RNGTT: variants seen among roughly 807,000 people sequenced by gnomAD.
RNGTT encodes RNA guanylyltransferase and 5'-phosphatase.
A neutral mutation model predicts 79.3 loss-of-function variants in RNGTT; 33 were observed. The ratio of observed to expected loss-of-function variants is 0.42; its 90% CI spans 0.32 to 0.56. The LOEUF is 0.56. Among genes scored for constraint, RNGTT ranks in the 20% least tolerant of loss-of-function variants. The probability of loss-of-function intolerance (pLI) is 0.17; values close to 1 mark genes in which losing one functional copy is unlikely to be tolerated. For synonymous variants in RNGTT, 222 were observed against 235.9 expected (o/e 0.94, Z 0.54); for missense variants, 497 against 739.1 (o/e 0.67, Z 3.80).
intron 2 of RNGTT, 34 bp downstream of exon 2, chr6:88,941,037 T>A (rs778194500): frequency 2.5e-5 from 32 of 1,301,596 alleles, no homozygotes; most frequent in Non-Finnish European, 3.4e-5. Flanking sequence ...CAAAGTATAT[T>A]AAATCAGTGA....
At chr6:88,864,500 C>A (rs994104411) in intron 8 of RNGTT, among the ~76,000 whole-genome samples, 1 of 152,076 alleles carries the variant, frequency 6.6e-6, no homozygotes, top group South Asian at 2.1e-4. Context: ...TGGCACTCTA[C>A]TATAGTGGTT....
chr6:88,868,148 C>G (rs1335251098), intron 8 of RNGTT, among the ~76,000 whole-genome samples: 1 of 132,290 alleles, frequency 7.6e-6, no homozygotes, highest in Admixed American at 7.7e-5. Context: ...ACCTGATTTC[C>G]AAAAAAAAAA....
rs565576305 is a variant in RNGTT at position 88,963,229 on chromosome 6, T to A, written c.64+117A>T. On this transcript the variant is annotated intron_variant, in intron 1 of 15. Transcript: ENST00000369485. ...ACGAAGCGTAATCCGACGGAGCATATCCCGCTCCTGAAATACCACTAATGG... is the reference window on the plus strand; with the variant it reads ...ACGAAGCGTAATCCGACGGAGCATAACCCGCTCCTGAAATACCACTAATGG... The A allele has an allele frequency of 1.3e-5, 13 of 1,033,302 alleles. No homozygotes were observed. The Admixed American group carries it at 2.7e-4, about 22-fold the overall frequency. The allele number at this position is 1,033,302 out of a possible 1,614,324, so 64.0% of individuals were successfully genotyped here. A position where few individuals can be genotyped will look rare whatever the true frequency, so the allele number is the denominator to read the frequency against.
intron 13 of RNGTT, among the ~76,000 whole-genome samples, chr6:88,718,025 T>C (rs781073473): frequency 4.6e-5 from 7 of 152,150 alleles, no homozygotes; most frequent in Admixed American, 2.0e-4. Context: ...TGAATTAATC[T>C]GGCCAGGAGG....
Position 88,929,087 on chromosome 6 carries a change from A to C in RNGTT, c.279-14T>G. On this transcript the variant is annotated splice_polypyrimidine_tract_variant and intron_variant, in intron 3 of 15. Coordinates refer to ENST00000369485, the MANE Select transcript of RNGTT (RefSeq NM_003800.5). ...CACTCACCATGTCTAGTAATATAGA[A>C]AAAGTTTTTTTGAAAAAAGAGATTA... 1 of 1,603,078 alleles carries C rather than the reference A, an allele frequency of 6.2e-7. No homozygotes were observed. The highest frequency in any genetic ancestry group is 1.7e-5 in the Admixed American group (1 of 57,972).
chr6:88,836,648 G>A (rs1050704251), intron 11 of RNGTT, among the ~76,000 whole-genome samples: 6 of 151,772 alleles, frequency 4.0e-5, no homozygotes, highest in South Asian at 4.2e-4. Context: ...AGGCTAAGGC[G>A]GGATGATTGC....
At chr6:88,826,051 C>T (rs554659328) in intron 11 of RNGTT, among the ~76,000 whole-genome samples, 1 of 152,312 alleles carries the variant, frequency 6.6e-6, no homozygotes, top group South Asian at 2.1e-4. Context: ...CCCCATTTCA[C>T]AGCCCACACG....
chr6:88,618,271 C>T (rs984663205), intron 14 of RNGTT, among the ~76,000 whole-genome samples: 18 of 152,104 alleles, frequency 1.2e-4, no homozygotes, highest in African/African-American at 4.3e-4. Context: ...CAGTTATAGT[C>T]CCAAGATAGA....
intron 12 of RNGTT, among the ~76,000 whole-genome samples, chr6:88,772,978 C>T (rs1274262297): frequency 8.7e-5 from 13 of 150,278 alleles, no homozygotes; most frequent in African/African-American, 3.2e-4. Context: ...GGGTATATAC[C>T]CAAAGGACTA....
chr6:88,671,360 C>T (rs1237712050), intron 14 of RNGTT, among the ~76,000 whole-genome samples: 1 of 152,008 alleles, frequency 6.6e-6, no homozygotes, highest in Non-Finnish European at 1.5e-5. Context: ...AAAACAGCTG[C>T]AAATAAAATA....
chr6:88,763,756 G>A (rs1036403391), intron 13 of RNGTT, among the ~76,000 whole-genome samples: 2 of 152,156 alleles, frequency 1.3e-5, no homozygotes, highest in Admixed American at 6.5e-5. Flanking sequence ...GGGTCCAATG[G>A]TTGGAAGCCT....
At chr6:88,939,068 A>T (rs1406247228) in intron 2 of RNGTT, among the ~76,000 whole-genome samples, 1 of 152,144 alleles carries the variant, frequency 6.6e-6, no homozygotes, top group Non-Finnish European at 1.5e-5. Flanking sequence ...TAACAGTTTG[A>T]CTATAACGCG....
intron 8 of RNGTT, among the ~76,000 whole-genome samples, chr6:88,870,504 T>C (rs1304582258): frequency 6.8e-6 from 1 of 147,554 alleles, no homozygotes; most frequent in Non-Finnish European, 1.5e-5. Flanking sequence ...CCCAACACAA[T>C]TAAGAGCAAA....
intron 11 of RNGTT, among the ~76,000 whole-genome samples, chr6:88,804,610 T>C (rs1779897583): frequency 6.6e-6 from 1 of 152,222 alleles, no homozygotes; most frequent in Non-Finnish European, 1.5e-5. Context: ...CTAAAAATGT[T>C]ATTAATATTG....
chr6:88,716,099 T>G (rs1395685026), intron 13 of RNGTT, among the ~76,000 whole-genome samples: 2 of 151,426 alleles, frequency 1.3e-5, no homozygotes, highest in East Asian at 3.9e-4. Flanking sequence ...GAATCTACAA[T>G]GAACTCAAAC....
intron 13 of RNGTT, among the ~76,000 whole-genome samples, chr6:88,683,987 C>T (rs1270735911): frequency 1.3e-5 from 2 of 151,892 alleles, no homozygotes; most frequent in African/African-American, 4.8e-5. Context: ...TGTACTCCAG[C>T]CTGAGTGACA....
intron 14 of RNGTT, among the ~76,000 whole-genome samples, chr6:88,647,858 G>T (rs1773639306): frequency 6.6e-6 from 1 of 151,716 alleles, no homozygotes; most frequent in East Asian, 1.9e-4. Context: ...AAGTCTAACA[G>T]ACTTAGGCTT....
chr6:88,858,799 G>A (rs1038557968), intron 8 of RNGTT, among the ~76,000 whole-genome samples: 1 of 152,142 alleles, frequency 6.6e-6, no homozygotes, highest in African/African-American at 2.4e-5. Flanking sequence ...AGGTTGTAAT[G>A]TGAGAGAAGA....
chr6:88,648,471 TATAATA>T (rs200062814), intron 14 of RNGTT, among the ~76,000 whole-genome samples: 25 of 147,068 alleles, frequency 1.7e-4, no homozygotes, highest in South Asian at 6.7e-4. Flanking sequence ...CTTAAAGTAT[TATAATA>T]ATAATAATAA....
Sources: allele counts gnomAD v4.1 joint callset (sites outside exome capture counted in the v4.1 genomes callset), GRCh38; gene constraint gnomAD v4.1.1; transcripts MANE v1.5; gene names NCBI Gene and HGNC (gene_info 2026-07-23, HGNC 2026-07-21).